CAMK1D: variants seen among roughly 807,000 people sequenced by gnomAD.
CAMK1D encodes calcium/calmodulin dependent protein kinase ID, also known as calcium/calmodulin-dependent protein kinase type 1D.
Under a neutral mutation model 47.7 loss-of-function variants are expected in CAMK1D, and 9 were observed. That is an observed-to-expected ratio of 0.19 (90% CI 0.11 to 0.33). The LOEUF (loss-of-function observed/expected upper bound fraction) is 0.33, where lower values mean the gene tolerates loss of function less well. Ranked by LOEUF, CAMK1D falls within the 10% of genes least tolerant of loss-of-function variation. The pLI is 1.00. For synonymous variants in CAMK1D, 184 were observed against 184.9 expected (o/e 0.99, Z 0.04); for missense variants, 291 against 488.7 (o/e 0.60, Z 3.81).
intron 2 of CAMK1D, among the ~76,000 whole-genome samples, chr10:12,610,759 A>G (rs988083890): frequency 3.3e-5 from 5 of 152,208 alleles, no homozygotes; most frequent in Admixed American, 2.6e-4. Flanking sequence ...CTGGCCTCTC[A>G]AGTAGACTTC....
intron 3 of CAMK1D, among the ~76,000 whole-genome samples, chr10:12,734,401 T>C (rs1018047161): frequency 3.2e-5 from 1 of 31,170 alleles, no homozygotes; most frequent in African/African-American, 9.7e-5. Context: ...GATATATATA[T>C]ATATACACAC....
At chr10:12,672,911 T>A in intron 3 of CAMK1D, among the ~76,000 whole-genome samples, 1 of 149,406 alleles carries the variant, frequency 6.7e-6, no homozygotes, top group African/African-American at 2.5e-5. Flanking sequence ...TTTTTTTTTT[T>A]TTTTAGTCAG....
chr10:12,586,441 T>G (rs549090200), intron 2 of CAMK1D, among the ~76,000 whole-genome samples: 93 of 128,720 alleles, frequency 7.2e-4, no homozygotes, highest in African/African-American at 2.8e-3. Context: ...AGAGCAAGAC[T>G]TCCTCTCAAA....
At chr10:12,545,238 G>A (rs1255236889) in intron 1 of CAMK1D, among the ~76,000 whole-genome samples, 1 of 2,264 alleles carries the variant, frequency 4.4e-4, no homozygotes, top group Non-Finnish European at 4.5e-3. Context: ...TCAGGTGTTC[G>A]AGACCAGCCT....
intron 1 of CAMK1D, among the ~76,000 whole-genome samples, chr10:12,470,569 T>A (rs956900666): frequency 1.3e-5 from 2 of 151,506 alleles, no homozygotes; most frequent in African/African-American, 4.9e-5. Flanking sequence ...CCAGGTGGAG[T>A]GCGGTGGCGC....
At chr10:12,408,764 G>A (rs1208088127) in intron 1 of CAMK1D, among the ~76,000 whole-genome samples, 2 of 151,850 alleles carry the variant, frequency 1.3e-5, no homozygotes, top group Admixed American at 6.6e-5. Flanking sequence ...CCCACGTGTT[G>A]GCATTTCCCT....
At chr10:12,666,942 C>T in intron 3 of CAMK1D, 132 bp downstream of exon 3, 1 of 706,274 alleles carries the variant, frequency 1.4e-6, no homozygotes, top group Non-Finnish European at 2.5e-6. Flanking sequence ...CTGTGGGATA[C>T]TAGAGAGGCC....
At chr10:12,708,911 C>G (rs893465742) in intron 3 of CAMK1D, among the ~76,000 whole-genome samples, 4 of 152,174 alleles carry the variant, frequency 2.6e-5, no homozygotes, top group Non-Finnish European at 5.9e-5. Context: ...AGGAGGATCA[C>G]TTGAAGTCAG....
At chr10:12,691,397 ATATATAAATATATATATATATATATTTT>A (rs547516143) in intron 3 of CAMK1D, among the ~76,000 whole-genome samples, 8 of 7,170 alleles carry the variant, frequency 1.1e-3, no homozygotes, top group African/African-American at 4.0e-3. Context: ...ATATATATAT[ATATATAAATATATATATATATATATTTT>A]TTTTTTTTTT....
intron 3 of CAMK1D, among the ~76,000 whole-genome samples, chr10:12,711,211 A>G (rs1455247148): frequency 6.6e-6 from 1 of 152,248 alleles, no homozygotes; most frequent in Non-Finnish European, 1.5e-5. Context: ...TGATGTGGCA[A>G]GAACTTGTTT....
intron 1 of CAMK1D, among the ~76,000 whole-genome samples, chr10:12,452,506 G>A (rs1330022251): frequency 2.0e-5 from 3 of 151,476 alleles, no homozygotes; most frequent in South Asian, 4.2e-4. Flanking sequence ...ATTTGTATAT[G>A]TATTTGTATG....
rs922526368 is a variant in CAMK1D, at chr10:12,749,459, A to G, written c.300-11489A>G. Among the ~76,000 whole-genome samples, 18 of 151,620 alleles carry G rather than the reference A, an allele frequency of 1.2e-4. No homozygotes were observed. The South Asian group carries it at 2.1e-3, about 18-fold the overall frequency. On this transcript the variant is annotated intron_variant, in intron 3 of 10. Coordinates refer to ENST00000619168, the MANE Select transcript of CAMK1D (RefSeq NM_153498.4). Reference sequence around the variant, plus strand: ...CTAGAAAGTTAAAAAAAAAAAAAAAAAAAAAGAAATCCATTGTAAGAATGG... The same window carrying G: ...CTAGAAAGTTAAAAAAAAAAAAAAAGAAAAAGAAATCCATTGTAAGAATGG...
intron 1 of CAMK1D, among the ~76,000 whole-genome samples, chr10:12,476,257 A>G (rs879552081): frequency 4.0e-5 from 6 of 151,340 alleles, no homozygotes; most frequent in Non-Finnish European, 7.4e-5. Flanking sequence ...ACACCACCGC[A>G]CTCTAGCCTG....
At chr10:12,352,324 A>G (rs1837377493) in intron 1 of CAMK1D, among the ~76,000 whole-genome samples, 1 of 152,162 alleles carries the variant, frequency 6.6e-6, no homozygotes, top group African/African-American at 2.4e-5. Context: ...AAGAAAACAT[A>G]ATGGGCTGGG....
intron 4 of CAMK1D, among the ~76,000 whole-genome samples, chr10:12,761,562 G>A (rs1836509516): frequency 6.6e-6 from 1 of 152,098 alleles, no homozygotes; most frequent in South Asian, 2.1e-4. Flanking sequence ...AGAAGAGGGA[G>A]AAGAGAAATA....
At chr10:12,789,620 A>C (rs558175599) in intron 5 of CAMK1D, among the ~76,000 whole-genome samples, 11 of 152,364 alleles carry the variant, frequency 7.2e-5, no homozygotes, top group Non-Finnish European at 1.6e-4. Flanking sequence ...TCTGAAAGGA[A>C]GTTCGTGTAG....
intron 8 of CAMK1D, among the ~76,000 whole-genome samples, chr10:12,819,761 G>A (rs1325808069): frequency 6.6e-6 from 1 of 152,146 alleles, no homozygotes; most frequent in Non-Finnish European, 1.5e-5. Context: ...GATGGAGTGT[G>A]GGAGCGTGGC....
chr10:12,740,721 A>T (rs1046921160), intron 3 of CAMK1D, among the ~76,000 whole-genome samples: 23 of 152,172 alleles, frequency 1.5e-4, no homozygotes, highest in Admixed American at 1.3e-3. Context: ...GCAGTTCAAG[A>T]TTTTGGGAGG....
intron 5 of CAMK1D, among the ~76,000 whole-genome samples, chr10:12,786,782 C>T (rs1028858859): frequency 6.6e-6 from 1 of 152,308 alleles, no homozygotes; most frequent in East Asian, 1.9e-4. Flanking sequence ...AGCAGAGTCT[C>T]GTGTTTTAAA....
Sources: allele counts gnomAD v4.1 joint callset (sites outside exome capture counted in the v4.1 genomes callset), GRCh38; gene constraint gnomAD v4.1.1; transcripts MANE v1.5; gene names NCBI Gene and HGNC (gene_info 2026-07-23, HGNC 2026-07-21).